The following GPHN variants were observed in gnomAD, a reference collection of about 807,000 sequenced individuals.
GPHN encodes the protein gephyrin.
A neutral mutation model predicts 95.5 loss-of-function variants in GPHN; 17 were observed. The ratio of observed to expected loss-of-function variants is 0.18; its 90% CI spans 0.12 to 0.27. The LOEUF (loss-of-function observed/expected upper bound fraction) is 0.27, where lower values mean the gene tolerates loss of function less well. Ranked by LOEUF, GPHN falls within the 10% of genes least tolerant of loss-of-function variation. GPHN has a pLI of 1.00. For synonymous variants in GPHN, 320 were observed against 322.5 expected, an observed-to-expected ratio of 0.99 and a Z score of 0.08; for missense variants, 660 against 978.1, an observed-to-expected ratio of 0.67 and a Z score of 4.34.
the GPHN span, among the ~76,000 whole-genome samples, chr14:67,398,414 T>C: frequency 1.3e-5 from 2 of 152,176 alleles, no homozygotes; most frequent in Non-Finnish European, 2.9e-5. Context: ...AGGCTCTCCA[T>C]GTTCACCTGA....
chr14:67,250,796 C>T, the GPHN span, among the ~76,000 whole-genome samples: 2 of 152,156 alleles, frequency 1.3e-5, no homozygotes, highest in Non-Finnish European at 2.9e-5. Context: ...CTAAAGGAAT[C>T]TTATCCTTCT....
the GPHN span, among the ~76,000 whole-genome samples, chr14:67,667,885 A>C: frequency 1.3e-5 from 2 of 152,194 alleles, no homozygotes; most frequent in African/African-American, 4.8e-5. Flanking sequence ...CAGAAGTTGC[A>C]GTGAGCCGAG....
intron 1 of GPHN, among the ~76,000 whole-genome samples, chr14:66,670,741 G>A (rs753507157): frequency 2.6e-5 from 4 of 152,144 alleles, no homozygotes; most frequent in Non-Finnish European, 5.9e-5. Context: ...GCAGTGAGCC[G>A]AGATCGCACC....
intron 1 of GPHN, among the ~76,000 whole-genome samples, chr14:66,591,344 T>C (rs2061640677): frequency 6.6e-6 from 1 of 152,140 alleles, no homozygotes; most frequent in African/African-American, 2.4e-5. Flanking sequence ...GGTATTCAAA[T>C]AGGAATAGAA....
the GPHN span, chr14:67,674,935 C>G: frequency 1.3e-5 from 2 of 153,154 alleles, no homozygotes; most frequent in Non-Finnish European, 2.9e-5. Context: ...TGTAGTTTGG[C>G]TCGGACGAGA....
intron 3 of GPHN, among the ~76,000 whole-genome samples, chr14:66,783,867 T>G (rs1267776670): frequency 6.6e-6 from 1 of 152,190 alleles, no homozygotes; most frequent in Non-Finnish European, 1.5e-5. Context: ...AAGCTGAACA[T>G]ACATGTCCAT....
At chr14:66,592,393 C>T (rs2382585) in intron 1 of GPHN, among the ~76,000 whole-genome samples, 3 of 150,938 alleles carry the variant, frequency 2.0e-5, no homozygotes, top group African/African-American at 7.3e-5. Context: ...AAAATTTTTG[C>T]AATCCATCCA....
chr14:67,585,931 T>G, the GPHN span: 4 of 1,603,320 alleles, frequency 2.5e-6, no homozygotes, highest in Non-Finnish European at 3.4e-6. Flanking sequence ...TCCCCACAAC[T>G]GACTGGTTCC....
At chr14:66,740,334 A>G (rs372002582) in intron 2 of GPHN, among the ~76,000 whole-genome samples, 1 of 152,110 alleles carries the variant, frequency 6.6e-6, no homozygotes, top group Admixed American at 6.5e-5. Context: ...TCATGAGGGA[A>G]ATATTTACCT....
At chr14:67,223,752 G>A in the GPHN span, 3 of 984,332 alleles carry the variant, frequency 3.0e-6, no homozygotes, top group African/African-American at 5.3e-5. Context: ...TTCTTACTTA[G>A]GCTTGTATAG....
chr14:67,085,459 G>A (rs940471704), intron 11 of GPHN, among the ~76,000 whole-genome samples: 3 of 152,150 alleles, frequency 2.0e-5, no homozygotes, highest in African/African-American at 7.2e-5. Flanking sequence ...ATTCATTCAT[G>A]TGCATTTCAA....
At chr14:66,675,433 C>T (rs914100997) in intron 1 of GPHN, among the ~76,000 whole-genome samples, 10 of 152,010 alleles carry the variant, frequency 6.6e-5, no homozygotes, top group Admixed American at 2.6e-4. Flanking sequence ...TGTGAACCAC[C>T]GCTCCCGGCC....
the GPHN span, among the ~76,000 whole-genome samples, chr14:67,258,113 C>A: frequency 1.3e-5 from 2 of 151,812 alleles, no homozygotes; most frequent in South Asian, 4.2e-4. Context: ...TAATGCAGCA[C>A]GTATTGAGTT....
chr14:67,517,093 C>T, the GPHN span, among the ~76,000 whole-genome samples: 1 of 152,186 alleles, frequency 6.6e-6, no homozygotes, highest in Non-Finnish European at 1.5e-5. Context: ...TACAGGCAGG[C>T]ATGTGGGCTG....
the GPHN span, chr14:67,571,570 G>T: frequency 1.8e-6 from 1 of 568,534 alleles, no homozygotes; most frequent in South Asian, 2.3e-5. Context: ...GGCCTGAGAA[G>T]CATGGAGGTC....
chr14:66,705,999 A>G (rs1261748696), intron 2 of GPHN, among the ~76,000 whole-genome samples: 2 of 152,212 alleles, frequency 1.3e-5, no homozygotes, highest in African/African-American at 4.8e-5. Context: ...AAAAATCACA[A>G]GCATTTTTAT....
chr14:67,401,028 G>A, the GPHN span, among the ~76,000 whole-genome samples: 1 of 151,984 alleles, frequency 6.6e-6, no homozygotes, highest in Non-Finnish European at 1.5e-5. Context: ...AGTATGGGAT[G>A]CACTGTGTGT....
At chr14:67,362,660 G>T in the GPHN span, among the ~76,000 whole-genome samples, 4 of 151,914 alleles carry the variant, frequency 2.6e-5, no homozygotes, top group Non-Finnish European at 4.4e-5. Context: ...CACTTCTTGA[G>T]GACCAAATAA....
intron 2 of GPHN, among the ~76,000 whole-genome samples, chr14:66,744,391 C>A (rs749968820): frequency 2.6e-4 from 40 of 152,150 alleles, no homozygotes; most frequent in Non-Finnish European, 4.7e-4. Context: ...TTCAGCATTA[C>A]CTGTAATTTA....
Sources: gnomAD v4.1 joint callset for allele counts (sites outside exome capture counted in the v4.1 genomes callset) on GRCh38, gnomAD v4.1.1 for gene constraint, MANE v1.5 for transcripts, NCBI Gene and HGNC (gene_info 2026-07-23, HGNC 2026-07-21) for gene names.